PAX8: variants seen among roughly 807,000 people sequenced by gnomAD.
The protein encoded by PAX8 is paired box 8.
A neutral mutation model predicts 52.4 loss-of-function variants in PAX8; 15 were observed. That is an observed-to-expected ratio of 0.29 (90% CI 0.19 to 0.44). The LOEUF (loss-of-function observed/expected upper bound fraction) is 0.44, where lower values mean the gene tolerates loss of function less well. Ranked by LOEUF, PAX8 falls within the 20% of genes least tolerant of loss-of-function variation. The probability of loss-of-function intolerance (pLI) is 1.00; values close to 1 mark genes in which losing one functional copy is unlikely to be tolerated. For missense variants in PAX8, 554 were observed against 602.5 expected (o/e 0.92, Z 0.84); for synonymous variants, 284 against 249.7 (o/e 1.14, Z -1.29).
At position 113,244,609 on chromosome 2, in the gene PAX8, G is replaced by C. The variant is rs201862378; in HGVS notation, c.207C>G (p.Gly69=). The C allele has an allele frequency of 5.6e-6, 9 of 1,614,114 alleles. No individual in the cohort carries two copies. In the African/African-American group the frequency reaches 1.2e-4, roughly 22 times the overall value. Residue 69 remains glycine (G), a synonymous_variant, in exon 4 of 12, where the codon GGC becomes GGG. Coordinates refer to ENST00000429538, the MANE Select transcript of PAX8 (RefSeq NM_003466.4). ...CCCCTATCACTCCAGGCCGGATGCT[G>C]CCAGTCTCGTAGTACCTACTCCAAT... ...SKILGRYYET[G]SIRPGVIGGS... is the part of the protein sequence containing the mutation.
In PAX8 at chr2:113,240,503, C is replaced by T. The variant is rs377089947; in HGVS notation, c.777+1048G>A. On this transcript the variant is annotated intron_variant, in intron 7 of 11. Coordinates refer to ENST00000429538, the MANE Select transcript of PAX8 (RefSeq NM_003466.4). The stretch of plus-strand genomic sequence containing the variant: ...ACAGACCCACCCTGAAGACACTCCT[C>T]ATCTGGTTGACTTGGCAGGGTTAAG... The T allele has an allele frequency of 6.6e-5, 10 of 152,362 alleles. 1 individual carries two copies. The East Asian group carries it at 1.4e-3, about 21-fold the overall frequency. The allele number at this position is 152,362 out of a possible 1,614,324, so 9.4% of individuals were successfully genotyped here.
Position 113,220,360 on chromosome 2 carries a change from G to A in PAX8, c.1190-182C>T, listed in dbSNP as rs572763079. The A allele has an allele frequency of 2.0e-5, 12 of 593,572 alleles. No homozygotes were observed. In the East Asian group the frequency reaches 3.1e-4, roughly 15 times the overall value. 36.8% of individuals were successfully genotyped at this position (593,572 alleles called of 1,614,324 possible). Reference sequence around the variant, plus strand: ...TCTGTCATCCCTTTTGGAACCCATCGATCTGGAAAATTTGGGGCAGTGTCC... The same window carrying A: ...TCTGTCATCCCTTTTGGAACCCATCAATCTGGAAAATTTGGGGCAGTGTCC... On this transcript the variant is annotated intron_variant, in intron 10 of 11. Transcript: ENST00000429538.
At chr2:113,241,442 C>T in intron 7 of PAX8, 109 bp downstream of exon 7, 1 of 1,077,754 alleles carries the variant, frequency 9.3e-7, no homozygotes, top group Non-Finnish European at 1.4e-6. Context: ...GTGCCCTGAG[C>T]CCATTGATGC....
intron 11 of PAX8, among the ~76,000 whole-genome samples, chr2:113,218,887 A>G (rs1455442593): frequency 1.3e-5 from 2 of 152,192 alleles, no homozygotes; most frequent in East Asian, 3.9e-4. Context: ...GGGAGAGGGC[A>G]ATAGAAAACA....
intron 2 of PAX8, among the ~76,000 whole-genome samples, chr2:113,256,652 GTGTATA>G (rs542501914): frequency 0.069 from 6,599 of 95,334 alleles, 172 homozygotes; most frequent in African/African-American, 0.15. Flanking sequence ...GTGTGTGTGT[GTGTATA>G]TATATATATA....
At chr2:113,233,295 G>A (rs951485426) in intron 9 of PAX8, among the ~76,000 whole-genome samples, 20 of 142,360 alleles carry the variant, frequency 1.4e-4, no homozygotes, top group Admixed American at 4.3e-4. Context: ...CTCTTCTAAG[G>A]AAACTTCTCA....
chr2:113,241,123 T>C (rs1344382803), intron 7 of PAX8: 7 of 327,846 alleles, frequency 2.1e-5, no homozygotes, highest in Non-Finnish European at 4.1e-5. Context: ...GGTGGTGAGC[T>C]CGGGGCCATG....
At chr2:113,249,179 G>T (rs1427519940) in intron 2 of PAX8, among the ~76,000 whole-genome samples, 1 of 152,256 alleles carries the variant, frequency 6.6e-6, no homozygotes, top group Non-Finnish European at 1.5e-5. Context: ...CTGGAAGAGT[G>T]CTTGGAGGGC....
intron 11 of PAX8, among the ~76,000 whole-genome samples, chr2:113,219,829 A>G (rs893011711): frequency 6.6e-6 from 1 of 152,156 alleles, no homozygotes; most frequent in African/African-American, 2.4e-5. Context: ...TGAATCTTAC[A>G]CAAAACAAAG....
At chr2:113,228,609 A>G (rs1376794502) in intron 9 of PAX8, among the ~76,000 whole-genome samples, 1 of 152,240 alleles carries the variant, frequency 6.6e-6, no homozygotes, top group Non-Finnish European at 1.5e-5. Context: ...GGAGGTAGTA[A>G]GGGCAAAATC....
intron 2 of PAX8, among the ~76,000 whole-genome samples, chr2:113,256,877 T>C (rs1379065898): frequency 2.6e-5 from 4 of 152,142 alleles, no homozygotes; most frequent in Non-Finnish European, 5.9e-5. Flanking sequence ...CCAAGTGATC[T>C]AAATAACATG....
At chr2:113,264,418 G>A (rs1428575930) in intron 2 of PAX8, among the ~76,000 whole-genome samples, 1 of 152,188 alleles carries the variant, frequency 6.6e-6, no homozygotes, top group Non-Finnish European at 1.5e-5. Context: ...AAGTAATATA[G>A]CAATATCATG....
intron 2 of PAX8, among the ~76,000 whole-genome samples, chr2:113,247,639 A>G (rs1037471204): frequency 1.3e-5 from 2 of 152,192 alleles, no homozygotes; most frequent in Non-Finnish European, 1.5e-5. Context: ...TATCCACGTC[A>G]TGGATGTGTG....
intron 2 of PAX8, among the ~76,000 whole-genome samples, chr2:113,265,233 T>A (rs1692971116): frequency 6.6e-6 from 1 of 152,202 alleles, no homozygotes; most frequent in South Asian, 2.1e-4. Context: ...GGTATGCAGC[T>A]GTGGCAAGAG....
chr2:113,259,950 C>T (rs944531692), intron 2 of PAX8, among the ~76,000 whole-genome samples: 9 of 152,206 alleles, frequency 5.9e-5, no homozygotes, highest in East Asian at 1.9e-4. Context: ...CTGCCGAACA[C>T]GCGTTTAGAT....
intron 11 of PAX8, among the ~76,000 whole-genome samples, chr2:113,219,647 G>A (rs1291573655): frequency 1.3e-5 from 2 of 152,166 alleles, no homozygotes; most frequent in Non-Finnish European, 2.9e-5. Flanking sequence ...TGGTTAATGG[G>A]GGCAACAGGA....
rs762019177 is a variant in PAX8, at chr2:113,244,519, G to T, written c.297C>A (p.Asn99Lys). 1 of 1,614,042 alleles carries T rather than the reference G, an allele frequency of 6.2e-7. No homozygotes were observed. Among genetic ancestry groups the T allele is most frequent in the Non-Finnish European group, 8.5e-7 (1 of 1,179,986 alleles). The part of the protein sequence containing the change: ...VEKIGDYKRQ[N>K]PTMFAWEIRD... ...GGATCTCCCAGGCAAACATGGTAGG[G>T]TTCTGGCGTTTGTAGTCCCCAATCT... is the stretch of plus-strand genomic sequence containing the variant. Residue 99 changes from asparagine (N) to lysine (K), a missense_variant, in exon 4 of 12, where the codon AAC becomes AAA. Transcript: ENST00000429538.
At position 113,220,027 on chromosome 2, in the gene PAX8, A is replaced by T. The variant is rs1573397140; in HGVS notation, c.1276+65T>A. 3.3e-6 allele frequency: 4 copies of T among 1,207,904 alleles called. No individual in the cohort carries two copies. In the East Asian group the frequency reaches 7.6e-5, roughly 23 times the overall value. The allele number at this position is 1,207,904 out of a possible 1,614,324, so 74.8% of individuals were successfully genotyped here. A position where few individuals can be genotyped will look rare whatever the true frequency, so the allele number is the denominator to read the frequency against. ...CCAGCTTTCAGGTAACCTTTGACCCACCCTTGCCCCCCACCACTCCATCCA... is the reference window on the plus strand; with the variant it reads ...CCAGCTTTCAGGTAACCTTTGACCCTCCCTTGCCCCCCACCACTCCATCCA... On this transcript the variant is annotated intron_variant, in intron 11 of 11. Transcript: ENST00000429538.
chr2:113,245,595 TGG>T (rs1466452630), intron 3 of PAX8, among the ~76,000 whole-genome samples: 1 of 152,202 alleles, frequency 6.6e-6, no homozygotes, highest in Non-Finnish European at 1.5e-5. Context: ...CCTCCTCTTC[TGG>T]GGCCTCCACC....
Sources: allele counts gnomAD v4.1 joint callset (sites outside exome capture counted in the v4.1 genomes callset), GRCh38; gene constraint gnomAD v4.1.1; transcripts MANE v1.5; gene names NCBI Gene and HGNC (gene_info 2026-07-23, HGNC 2026-07-21).